Variants in ZFHX3 observed in about 807,000 individuals in gnomAD.
ZFHX3 encodes zinc finger homeobox 3.
In ZFHX3, 42 loss-of-function variants were observed where a neutral mutation model predicts 279.1. The ratio of observed to expected loss-of-function variants is 0.15; its 90% confidence interval spans 0.12 to 0.19. The LOEUF (loss-of-function observed/expected upper bound fraction) is 0.19. ZFHX3 is among the 10% of genes least tolerant of loss of function. ZFHX3 has a pLI of 1.00. For synonymous variants in ZFHX3, 2,293 were observed against 1,957.8 expected, an observed-to-expected ratio of 1.17 and a Z score of -4.52; for missense variants, 4,981 against 4,754.0, an observed-to-expected ratio of 1.05 and a Z score of -1.40.
chr16:72,824,404 G>A lies in ZFHX3; in HGVS notation c.3529+5375C>T, dbSNP rs549776848. 3.3e-5 allele frequency among the ~76,000 whole-genome samples: 5 copies of A among 152,210 alleles called. No homozygotes were observed. In the East Asian group the frequency reaches 9.7e-4, roughly 29 times the overall value. ...TCATAGATTTAAAAAAATTAATAAA[G>A]TAAAATCCCTTCAGGCCAATCCTTT... is the stretch of plus-strand genomic sequence containing the variant. On this transcript the variant is annotated intron_variant, in intron 5 of 9. Coordinates refer to ENST00000268489, the MANE Select transcript of ZFHX3 (RefSeq NM_006885.4).
chr16:73,074,936 A>T (rs955233953), intron 8 of ZFHX3, among the ~76,000 whole-genome samples: 1 of 151,910 alleles, frequency 6.6e-6, no homozygotes, highest in African/African-American at 2.4e-5. Flanking sequence ...CCTCCCAAGT[A>T]GCTGAGACTA....
intron 2 of ZFHX3, among the ~76,000 whole-genome samples, chr16:73,635,485 G>A (rs1424339286): frequency 2.0e-5 from 3 of 152,202 alleles, no homozygotes; most frequent in Non-Finnish European, 4.4e-5. Context: ...GATTTTGTGA[G>A]GGGAGCTGAT....
intron 1 of ZFHX3, among the ~76,000 whole-genome samples, chr16:73,003,367 G>A (rs1963566934): frequency 6.7e-6 from 1 of 149,980 alleles, no homozygotes; most frequent in Non-Finnish European, 1.5e-5. Flanking sequence ...GTGAAGCTTA[G>A]ATTCTAGCAG....
chr16:73,086,739 C>CA (rs1016591825), intron 8 of ZFHX3, among the ~76,000 whole-genome samples: 32 of 149,828 alleles, frequency 2.1e-4, no homozygotes, highest in Admixed American at 1.5e-3. Context: ...CCCATCTGTA[C>CA]AAAAAATACA....
chr16:73,227,597 C>T (rs981069053), intron 5 of ZFHX3, among the ~76,000 whole-genome samples: 2 of 151,834 alleles, frequency 1.3e-5, no homozygotes, highest in South Asian at 2.1e-4. Flanking sequence ...ATCTGTAATC[C>T]GAGGACTTTG....
chr16:72,827,897 C>A (rs2036972500), intron 5 of ZFHX3, among the ~76,000 whole-genome samples: 2 of 152,156 alleles, frequency 1.3e-5, no homozygotes, highest in African/African-American at 4.8e-5. Context: ...TGCAGTATGG[C>A]CCTCTCTGTG....
At chr16:73,814,085 T>G (rs925580016) in intron 1 of ZFHX3, among the ~76,000 whole-genome samples, 1 of 152,240 alleles carries the variant, frequency 6.6e-6, no homozygotes, top group Non-Finnish European at 1.5e-5. Context: ...TATCTGCAAT[T>G]AAAAATGTAT....
rs1960723987 is a variant in ZFHX3, at chr16:73,821,025, G to C, written c.-1608+70626C>G. 2.0e-5 allele frequency among the ~76,000 whole-genome samples: 3 copies of C among 152,132 alleles called. No homozygotes were observed. In the South Asian group the frequency reaches 6.2e-4, roughly 32 times the overall value. ...CCCCCTTGACAAATGATGGGACTGA[G>C]GTCTAGAGAGCGTGAGTCTCCTTGC... On this transcript the variant is annotated intron_variant, in intron 1 of 17. Coordinates refer to the ZFHX3 transcript ENST00000641206.
At chr16:72,850,808 A>C (rs1253945887) in intron 4 of ZFHX3, among the ~76,000 whole-genome samples, 1 of 152,194 alleles carries the variant, frequency 6.6e-6, no homozygotes, top group African/African-American at 2.4e-5. Flanking sequence ...AAAAAAAATA[A>C]TAAATCAAAA....
intron 2 of ZFHX3, among the ~76,000 whole-genome samples, chr16:73,665,740 G>A (rs1597055417): frequency 6.6e-6 from 1 of 150,458 alleles, no homozygotes; most frequent in Admixed American, 6.6e-5. Flanking sequence ...GAGATGATTT[G>A]GCATCACTGT....
At chr16:73,483,325 G>A (rs2033266516) in intron 2 of ZFHX3, 2 of 443,364 alleles carry the variant, frequency 4.5e-6, no homozygotes, top group Admixed American at 4.9e-5. Context: ...CCAAGAGCGA[G>A]CGAGTGAGAG....
intron 1 of ZFHX3, among the ~76,000 whole-genome samples, chr16:73,783,069 T>C (rs866089233): frequency 1.3e-5 from 2 of 152,130 alleles, no homozygotes; most frequent in Non-Finnish European, 2.9e-5. Flanking sequence ...ATGGAGGCCA[T>C]GGTGAGCAGC....
chr16:73,541,220 A>C (rs2143749552), intron 2 of ZFHX3, among the ~76,000 whole-genome samples: 1 of 152,242 alleles, frequency 6.6e-6, no homozygotes, highest in South Asian at 2.1e-4. Flanking sequence ...AGTATTAAAC[A>C]CATGCTATCA....
intron 2 of ZFHX3, among the ~76,000 whole-genome samples, chr16:73,672,827 C>T (rs2052917424): frequency 6.6e-6 from 1 of 152,032 alleles, no homozygotes; most frequent in Non-Finnish European, 1.5e-5. Flanking sequence ...GAAATTCTTA[C>T]ACATGAAAAC....
intron 2 of ZFHX3, among the ~76,000 whole-genome samples, chr16:73,478,336 A>G (rs1408470491): frequency 1.3e-5 from 2 of 152,000 alleles, no homozygotes; most frequent in African/African-American, 4.8e-5. Context: ...AGGGACTTGA[A>G]CCCTGGACCC....
In ZFHX3 at chr16:73,010,024, G is replaced by GAA. The variant is rs10709712; in HGVS notation, c.-50+37726_-50+37727dup. 7.4e-4 allele frequency among the ~76,000 whole-genome samples: 63 copies of GAA among 84,646 alleles called. 2 individuals are homozygous for GAA. The highest frequency in any genetic ancestry group is 4.0e-3 in the South Asian group (10 of 2,510). The allele number at this position is 84,646 out of a possible 152,430, so 55.5% of individuals were successfully genotyped here. A position where few individuals can be genotyped will look rare whatever the true frequency, so the allele number is the denominator to read the frequency against. On this transcript the variant is annotated intron_variant, in intron 1 of 9. Transcript: ENST00000268489. Reference sequence around the variant, plus strand: ...TTACAGAGCGAGACTCCCTCTCAAAGAAAAAAAAAAAAAAAAAAACTCATA... The same window carrying GAA: ...TTACAGAGCGAGACTCCCTCTCAAAGAAAAAAAAAAAAAAAAAAAAACTCATA...
chr16:73,656,047 A>G (rs1484515861), intron 2 of ZFHX3, among the ~76,000 whole-genome samples: 2 of 152,242 alleles, frequency 1.3e-5, no homozygotes, highest in African/African-American at 4.8e-5. Context: ...GATGAAAATG[A>G]ACAAACTATA....
At chr16:73,804,738 G>A (rs576925359) in intron 1 of ZFHX3, among the ~76,000 whole-genome samples, 14 of 151,910 alleles carry the variant, frequency 9.2e-5, no homozygotes, top group Admixed American at 1.3e-4. Flanking sequence ...TTTCATTTGG[G>A]GTGAAAACTG....
chr16:73,821,913 T>C (rs1435694582), intron 1 of ZFHX3, among the ~76,000 whole-genome samples: 1 of 152,214 alleles, frequency 6.6e-6, no homozygotes, highest in Non-Finnish European at 1.5e-5. Context: ...AACAGCATGT[T>C]AGAACGGTCA....
Sources: gnomAD v4.1 joint callset for allele counts (sites outside exome capture counted in the v4.1 genomes callset) on GRCh38, gnomAD v4.1.1 for gene constraint, MANE v1.5 for transcripts, NCBI Gene and HGNC (gene_info 2026-07-23, HGNC 2026-07-21) for gene names.